Variants in SGCZ observed in about 807,000 individuals in gnomAD.
SGCZ encodes zeta-sarcoglycan.
In SGCZ, 40 loss-of-function variants were observed where a neutral mutation model predicts 41.3. The observed-to-expected ratio is 0.97, with a 90% CI of 0.75 to 1.26. The LOEUF is 1.26. SGCZ is among the 50% of genes most tolerant of loss of function. The pLI, the probability that SGCZ is intolerant of heterozygous loss-of-function variation, is 0.00. For missense variants in SGCZ, 552 were observed against 369.8 expected (o/e 1.49, Z -4.04); for synonymous variants, 206 against 137.5 (o/e 1.50, Z -3.49).
intron 1 of SGCZ, among the ~76,000 whole-genome samples, chr8:14,974,109 G>A (rs993969798): frequency 1.3e-5 from 2 of 152,170 alleles, no homozygotes; most frequent in Non-Finnish European, 2.9e-5. Flanking sequence ...TTGACACTGT[G>A]CAAAATCAGC....
intron 1 of SGCZ, among the ~76,000 whole-genome samples, chr8:14,701,075 G>C (rs1809122099): frequency 6.6e-6 from 1 of 151,976 alleles, no homozygotes; most frequent in South Asian, 2.1e-4. Flanking sequence ...GAACTGGAGT[G>C]TTGCGGAAGG....
At chr8:14,992,760 C>T (rs1488220662) in intron 1 of SGCZ, among the ~76,000 whole-genome samples, 5 of 139,378 alleles carry the variant, frequency 3.6e-5, no homozygotes, top group Non-Finnish European at 4.6e-5. Flanking sequence ...ATATTTACCC[C>T]TCCCCCATCC....
At chr8:14,226,832 A>T (rs1806389177) in intron 4 of SGCZ, among the ~76,000 whole-genome samples, 1 of 152,128 alleles carries the variant, frequency 6.6e-6, no homozygotes, top group African/African-American at 2.4e-5. Flanking sequence ...GGAGTATAAA[A>T]GTTCCAGTAG....
At chr8:14,388,184 T>G (rs1804640320) in intron 2 of SGCZ, among the ~76,000 whole-genome samples, 1 of 152,028 alleles carries the variant, frequency 6.6e-6, no homozygotes, top group Non-Finnish European at 1.5e-5. Context: ...AAAATATATA[T>G]TGCCTGATAC....
At chr8:14,381,183 T>C (rs1804347799) in intron 2 of SGCZ, among the ~76,000 whole-genome samples, 2 of 152,240 alleles carry the variant, frequency 1.3e-5, no homozygotes, top group African/African-American at 4.8e-5. Flanking sequence ...TGTTAATTAT[T>C]AATGGTCAAG....
rs369736521 is a variant in SGCZ at position 14,890,212 on chromosome 8, A to G, written c.40-335286T>C. Among the ~76,000 whole-genome samples, 19 of 151,684 alleles carry G rather than the reference A, an allele frequency of 1.3e-4. No homozygotes were observed. In the East Asian group the frequency reaches 3.5e-3, roughly 28 times the overall value. On this transcript the variant is annotated intron_variant, in intron 1 of 7. Transcript: ENST00000382080. ...AGCCTGGGCGACAGAACAAGACTCC[A>G]TCAAAAAAAGAAAGAAAGAAAGAGA...
rs866941383 is a variant in SGCZ at position 14,463,246 on chromosome 8, A to G, written c.234+91486T>C. On this transcript the variant is annotated intron_variant, in intron 2 of 7. Coordinates refer to ENST00000382080, the MANE Select transcript of SGCZ (RefSeq NM_139167.4). ...AATGGAATCTCATGAGAGCTCAAAT[A>G]GCCAAAAAACAGCTTGAAAAAGAAG... Among the ~76,000 whole-genome samples, 81 of 151,622 alleles carry G rather than the reference A, an allele frequency of 5.3e-4. No homozygotes were observed. In the Middle Eastern group the frequency reaches 0.01, roughly 19 times the overall value.
chr8:15,045,563 G>T (rs775113920), intron 1 of SGCZ, among the ~76,000 whole-genome samples: 2 of 152,042 alleles, frequency 1.3e-5, no homozygotes, highest in Non-Finnish European at 2.9e-5. Flanking sequence ...TGATAAAGTA[G>T]TTCCAAGATT....
chr8:14,485,157 G>A (rs1187470657), intron 2 of SGCZ, among the ~76,000 whole-genome samples: 1 of 152,168 alleles, frequency 6.6e-6, no homozygotes, highest in African/African-American at 2.4e-5. Context: ...CTTGCCTTGA[G>A]ATTTTGTGGG....
chr8:14,510,395 T>C (rs1348494835), intron 2 of SGCZ, among the ~76,000 whole-genome samples: 17 of 152,010 alleles, frequency 1.1e-4, no homozygotes, highest in Admixed American at 1.0e-3. Context: ...TGTATAAAGG[T>C]TTTCCAATTT....
At chr8:14,112,291 G>A (rs541756679) in intron 5 of SGCZ, among the ~76,000 whole-genome samples, 2 of 149,512 alleles carry the variant, frequency 1.3e-5, no homozygotes, top group African/African-American at 4.9e-5. Flanking sequence ...TGTGGGGGGG[G>A]GGTGCAAAGA....
chr8:14,308,058 T>C (rs1801403501), intron 3 of SGCZ, among the ~76,000 whole-genome samples: 1 of 152,090 alleles, frequency 6.6e-6, no homozygotes, highest in Non-Finnish European at 1.5e-5. Flanking sequence ...AATATCTTAG[T>C]AAATTAGGGA....
intron 2 of SGCZ, among the ~76,000 whole-genome samples, chr8:14,552,495 T>C (rs549938896): frequency 6.6e-6 from 1 of 152,118 alleles, no homozygotes; most frequent in East Asian, 1.9e-4. Context: ...CAAAACATAA[T>C]TTTTTAAAAG....
intron 1 of SGCZ, among the ~76,000 whole-genome samples, chr8:14,737,100 T>C (rs2130262042): frequency 6.8e-6 from 1 of 147,028 alleles, no homozygotes; most frequent in Admixed American, 6.9e-5. Flanking sequence ...TATATCTATA[T>C]ACCAGATACA....
intron 1 of SGCZ, among the ~76,000 whole-genome samples, chr8:15,054,870 G>A (rs1044388210): frequency 5.9e-5 from 9 of 151,658 alleles, no homozygotes; most frequent in Non-Finnish European, 1.0e-4. Flanking sequence ...GCTGAGGCAG[G>A]AGAATGGCGT....
intron 1 of SGCZ, among the ~76,000 whole-genome samples, chr8:14,811,991 C>T (rs975760690): frequency 6.6e-6 from 1 of 151,870 alleles, no homozygotes; most frequent in African/African-American, 2.4e-5. Flanking sequence ...TGATATGCAA[C>T]TCAGGAATGG....
intron 1 of SGCZ, among the ~76,000 whole-genome samples, chr8:14,637,371 C>T (rs1299069779): frequency 6.6e-6 from 1 of 151,298 alleles, no homozygotes; most frequent in East Asian, 2.0e-4. Context: ...GTTTGTTACA[C>T]GAGTAAATTG....
intron 1 of SGCZ, among the ~76,000 whole-genome samples, chr8:14,820,622 A>C (rs1802046603): frequency 6.6e-6 from 1 of 152,102 alleles, no homozygotes; most frequent in Non-Finnish European, 1.5e-5. Flanking sequence ...AATTTTAAAA[A>C]TCTGAACTCT....
At position 14,597,119 on chromosome 8, in the gene SGCZ, G is replaced by T. The variant is rs1805437736; in HGVS notation, c.40-42193C>A. 3.3e-5 allele frequency among the ~76,000 whole-genome samples: 5 copies of T among 152,254 alleles called. No individual in the cohort carries two copies. In the South Asian group the frequency reaches 1.0e-3, roughly 32 times the overall value. ...TGCCATTCTTAGACATTCTTAGATA[G>T]TTTCAACTATTGTTAGAATACGTTA... On this transcript the variant is annotated intron_variant, in intron 1 of 7. Transcript: ENST00000382080.
Sources: gnomAD v4.1 joint callset for allele counts (sites outside exome capture counted in the v4.1 genomes callset) on GRCh38, gnomAD v4.1.1 for gene constraint, MANE v1.5 for transcripts, NCBI Gene and HGNC (gene_info 2026-07-23, HGNC 2026-07-21) for gene names.